Variants in ARHGAP20 observed in about 807,000 individuals in gnomAD.
ARHGAP20 encodes Rho GTPase activating protein 20, also known as rho GTPase-activating protein 20.
ARHGAP20 carries 34 observed loss-of-function variants against 73.7 expected under a neutral mutation model. That is an observed-to-expected ratio of 0.46 (90% CI 0.35 to 0.61). ARHGAP20 has a LOEUF of 0.61. Among genes scored for constraint, ARHGAP20 ranks in the 20% least tolerant of loss-of-function variants. The pLI is 0.00. For synonymous variants in ARHGAP20, 523 were observed against 518.2 expected, an observed-to-expected ratio of 1.01 and a Z score of -0.13; for missense variants, 1,314 against 1,420.9, an observed-to-expected ratio of 0.92 and a Z score of 1.21.
chr11:110,606,051 G>C (rs1222749895), intron 9 of ARHGAP20, among the ~76,000 whole-genome samples: 1 of 152,142 alleles, frequency 6.6e-6, no homozygotes, highest in Non-Finnish European at 1.5e-5. Flanking sequence ...TGTGGGGTGG[G>C]TAAGAGACTG....
At chr11:110,637,126 C>A (rs1193211494) in intron 2 of ARHGAP20, among the ~76,000 whole-genome samples, 2 of 152,012 alleles carry the variant, frequency 1.3e-5, no homozygotes, top group African/African-American at 4.8e-5. Context: ...TTCACAAAAC[C>A]TGGCCACAGT....
In ARHGAP20 at chr11:110,653,391, C is replaced by T. The variant is rs185019682; in HGVS notation, c.189-22599G>A. On this transcript the variant is annotated intron_variant, in intron 2 of 14. Coordinates refer to ENST00000683387, the MANE Select transcript of ARHGAP20 (RefSeq NM_001384657.1). ...CAAATTTACAAGAAAATAAAACAACCCCATTAAAAAGTGGGCAAAGGACAT... is the reference window on the plus strand; with the variant it reads ...CAAATTTACAAGAAAATAAAACAACTCCATTAAAAAGTGGGCAAAGGACAT... Among the ~76,000 whole-genome samples, 281 of 152,000 alleles carry T rather than the reference C, an allele frequency of 1.8e-3. 1 individual carries two copies. The highest frequency in any genetic ancestry group is 6.1e-3 in the African/African-American group (254 of 41,464).
intron 1 of ARHGAP20, among the ~76,000 whole-genome samples, chr11:110,711,445 C>A (rs1353904056): frequency 2.0e-5 from 3 of 150,116 alleles, no homozygotes; most frequent in Non-Finnish European, 3.0e-5. Flanking sequence ...CTAGGCCCAG[C>A]CGAACCTACA....
At chr11:110,650,411 T>C (rs1484836910) in intron 2 of ARHGAP20, among the ~76,000 whole-genome samples, 1 of 152,186 alleles carries the variant, frequency 6.6e-6, no homozygotes, top group Non-Finnish European at 1.5e-5. Context: ...TAATTTTTAA[T>C]TAGAGTAGAG....
At position 110,577,950 on chromosome 11, in the gene ARHGAP20, T is replaced by G. The variant is rs960938713; in HGVS notation, c.*1420A>C. The G allele has an allele frequency of 3.0e-6, 3 of 985,530 alleles. No homozygotes were observed. Among genetic ancestry groups the G allele is most frequent in the Non-Finnish European group, 3.6e-6 (3 of 829,902 alleles). The allele number at this position is 985,530 out of a possible 1,614,324, so 61.0% of individuals were successfully genotyped here. On this transcript the variant is annotated 3_prime_UTR_variant, in exon 15 of 15. Coordinates refer to ENST00000683387, the MANE Select transcript of ARHGAP20 (RefSeq NM_001384657.1). ...AAATAATTTGGAATAAGCTAGCTTG[T>G]GAGAGAAAGGTCCATCTGATGGTGA... is the stretch of plus-strand genomic sequence containing the variant.
intron 2 of ARHGAP20, among the ~76,000 whole-genome samples, chr11:110,650,963 T>TA (rs892716430): frequency 5.3e-5 from 8 of 152,184 alleles, no homozygotes; most frequent in African/African-American, 1.9e-4. Flanking sequence ...ACATGGCACT[T>TA]ATTCTAAAAT....
At chr11:110,698,849 A>T (rs907157325) in intron 1 of ARHGAP20, among the ~76,000 whole-genome samples, 2 of 151,432 alleles carry the variant, frequency 1.3e-5, no homozygotes, top group Non-Finnish European at 3.0e-5. Flanking sequence ...TTTTTGTGTA[A>T]CCTTTCAAAT....
At chr11:110,600,240 C>A (rs896534336) in intron 9 of ARHGAP20, among the ~76,000 whole-genome samples, 1 of 152,226 alleles carries the variant, frequency 6.6e-6, no homozygotes, top group African/African-American at 2.4e-5. Context: ...AGAGCTGCAG[C>A]CCTTTGGGAA....
intron 6 of ARHGAP20, 79 bp downstream of exon 6, chr11:110,614,482 T>C: frequency 7.5e-7 from 1 of 1,327,760 alleles, no homozygotes; most frequent in Non-Finnish European, 1.1e-6. Flanking sequence ...CCTGCCTGCC[T>C]GCTCTCTCTC....
rs116615218 is a variant in ARHGAP20 at position 110,682,273 on chromosome 11, C to T, written c.188+8274G>A. Among the ~76,000 whole-genome samples, 258 of 152,232 alleles carry T rather than the reference C, an allele frequency of 1.7e-3. 1 individual carries two copies. Among genetic ancestry groups the T allele is most frequent in the African/African-American group, 6.0e-3 (249 of 41,534 alleles). ...TACTACTACTAACAATAATAAATAG[C>T]TTACATACATATGTAGCACTGATTA... On this transcript the variant is annotated intron_variant, in intron 2 of 14. Coordinates refer to ENST00000683387, the MANE Select transcript of ARHGAP20 (RefSeq NM_001384657.1).
At position 110,593,932 on chromosome 11, in the gene ARHGAP20, A is replaced by G. The variant is rs180789656; in HGVS notation, c.965-1777T>C. On this transcript the variant is annotated intron_variant, in intron 9 of 14. Coordinates refer to ENST00000683387, the MANE Select transcript of ARHGAP20 (RefSeq NM_001384657.1). Reference sequence around the variant, plus strand: ...TTGGTAATTAGACTGGCTGTGTGGCATTGTTCCTTATGACACCAAACTAAA... The same window carrying G: ...TTGGTAATTAGACTGGCTGTGTGGCGTTGTTCCTTATGACACCAAACTAAA... Among the ~76,000 whole-genome samples the G allele has an allele frequency of 1.3e-3, 198 of 152,354 alleles. 1 individual carries two copies. The highest frequency in any genetic ancestry group is 4.7e-3 in the African/African-American group (195 of 41,594).
Position 110,580,969 on chromosome 11 carries a change from C to A in ARHGAP20, c.1977G>T (p.Pro659=). 6.2e-7 allele frequency: 1 copy of A among 1,614,116 alleles called. No homozygotes were observed. The highest frequency in any genetic ancestry group is 8.5e-7 in the Non-Finnish European group (1 of 1,180,026). Residue 659 remains proline (P), a synonymous_variant, in exon 15 of 15, where the codon CCG becomes CCT. Coordinates refer to ENST00000683387, the MANE Select transcript of ARHGAP20 (RefSeq NM_001384657.1). The part of the protein sequence containing the change: ...VQMKRPLESK[P]VNILVYTKIP... ...TCTTTGTGTACACTAAAATGTTCAC[C>A]GGCTTGGATTCAAGAGGCCGTTTCA...
chr11:110,704,799 C>A (rs539211325), intron 1 of ARHGAP20, among the ~76,000 whole-genome samples: 1 of 152,232 alleles, frequency 6.6e-6, no homozygotes, highest in East Asian at 1.9e-4. Flanking sequence ...TCCCTGTGAT[C>A]CTAAACACTT....
At chr11:110,624,112 TTATCATAGTAGC>T (rs759714359) in intron 4 of ARHGAP20, 38 bp downstream of exon 4, 29 of 1,568,720 alleles carry the variant, frequency 1.8e-5, no homozygotes, top group Admixed American at 8.7e-5. Context: ...ATCCTAGAAA[TTATCATAGTAGC>T]TAACCCAGGT....
intron 2 of ARHGAP20, 62 bp from the exon 3 acceptor site, chr11:110,630,854 C>T: frequency 1.3e-6 from 2 of 1,530,358 alleles, no homozygotes; most frequent in Non-Finnish European, 1.8e-6. Context: ...TCAAGAACTA[C>T]AAAATTCTGT....
intron 2 of ARHGAP20, among the ~76,000 whole-genome samples, chr11:110,632,927 C>T (rs1288246750): frequency 1.3e-5 from 2 of 152,086 alleles, no homozygotes; most frequent in Non-Finnish European, 2.9e-5. Context: ...TTCTCCTAGT[C>T]TGTTGCTTGC....
chr11:110,697,726 T>C (rs1415225185), intron 1 of ARHGAP20, among the ~76,000 whole-genome samples: 5 of 151,784 alleles, frequency 3.3e-5, no homozygotes, highest in Admixed American at 3.3e-4. Context: ...TGAAGATCAG[T>C]TGGTTGTAGG....
intron 3 of ARHGAP20, among the ~76,000 whole-genome samples, chr11:110,625,869 C>G (rs936394499): frequency 6.6e-6 from 1 of 152,062 alleles, no homozygotes; most frequent in Non-Finnish European, 1.5e-5. Flanking sequence ...ATTAAAGGTA[C>G]CTTATATGGA....
chr11:110,601,266 A>T (rs911414680), intron 9 of ARHGAP20, among the ~76,000 whole-genome samples: 21 of 152,366 alleles, frequency 1.4e-4, no homozygotes, highest in African/African-American at 4.8e-4. Context: ...TTGGTAAATA[A>T]GGCAAAATTC....
Sources: allele counts gnomAD v4.1 joint callset (sites outside exome capture counted in the v4.1 genomes callset), GRCh38; gene constraint gnomAD v4.1.1; transcripts MANE v1.5; gene names NCBI Gene and HGNC (gene_info 2026-07-23, HGNC 2026-07-21).